ERG: variants seen among roughly 807,000 people sequenced by gnomAD.
ERG encodes the protein transcriptional regulator ERG.
Under a neutral mutation model 55.3 loss-of-function variants are expected in ERG, and 9 were observed. The observed-to-expected ratio is 0.16, with a 90% CI of 0.10 to 0.28. The LOEUF (loss-of-function observed/expected upper bound fraction) is 0.28. ERG is among the 10% of genes least tolerant of loss of function. ERG has a pLI of 1.00. For synonymous variants in ERG, 223 were observed against 237.3 expected (o/e 0.94, Z 0.55); for missense variants, 434 against 631.6 (o/e 0.69, Z 3.35).
intron 1 of ERG, among the ~76,000 whole-genome samples, chr21:38,653,437 C>T (rs1481630751): frequency 1.3e-5 from 2 of 152,206 alleles, no homozygotes; most frequent in African/African-American, 2.4e-5. Context: ...GCCTACTCAG[C>T]ATTCCCTGAA....
intron 3 of ERG, among the ~76,000 whole-genome samples, chr21:38,421,478 A>G (rs1266702714): frequency 6.6e-6 from 1 of 152,316 alleles, no homozygotes; most frequent in African/African-American, 2.4e-5. Context: ...TGCACTCCTG[A>G]ACTCTTCTGT....
chr21:38,552,846 G>GAAAAAAA (rs56278724), intron 2 of ERG, among the ~76,000 whole-genome samples: 1 of 127,876 alleles, frequency 7.8e-6, no homozygotes, highest in Non-Finnish European at 1.6e-5. Flanking sequence ...TCAAGCAAGA[G>GAAAAAAA]AAAAAAAAAA....
At position 38,579,069 on chromosome 21, in the gene ERG, C is replaced by A. The variant is rs763518682; in HGVS notation, c.-126-3322G>T. On this transcript the variant is annotated intron_variant, in intron 1 of 8. Coordinates refer to the ERG transcript ENST00000398897. The stretch of plus-strand genomic sequence containing the variant: ...GGAAACTGAAGGATAACCAAGAAAC[C>A]TCCACCAGAAGCCTCCATGGGATTC... Among the ~76,000 whole-genome samples the A allele has an allele frequency of 2.4e-4, 37 of 152,110 alleles. 1 individual carries two copies. The highest frequency in any genetic ancestry group is 2.4e-4 in the Non-Finnish European group (16 of 68,020).
At chr21:38,415,093 C>T (rs1335445759) in intron 3 of ERG, among the ~76,000 whole-genome samples, 1 of 152,182 alleles carries the variant, frequency 6.6e-6, no homozygotes, top group Non-Finnish European at 1.5e-5. Flanking sequence ...CTGTGTTCTC[C>T]CCTGGGTATT....
intron 1 of ERG, among the ~76,000 whole-genome samples, chr21:38,653,911 G>T (rs1190975791): frequency 6.6e-6 from 1 of 152,170 alleles, no homozygotes; most frequent in East Asian, 1.9e-4. Context: ...ATTTTGCAAA[G>T]AAAAAGTTTA....
chr21:38,592,606 T>C (rs889614282), intron 1 of ERG, among the ~76,000 whole-genome samples: 4 of 147,214 alleles, frequency 2.7e-5, no homozygotes, highest in Admixed American at 6.8e-5. Context: ...TGTGTGTGTG[T>C]GCTTTTCCTA....
At chr21:38,391,286 A>G (rs1305006847) in intron 8 of ERG, among the ~76,000 whole-genome samples, 1 of 152,188 alleles carries the variant, frequency 6.6e-6, no homozygotes, top group Non-Finnish European at 1.5e-5. Context: ...CCTGACATAT[A>G]GCTCAAGGCT....
rs536425481 is a variant in ERG, at chr21:38,495,179, A to G, written c.18+3184T>C. On this transcript the variant is annotated intron_variant, in intron 1 of 9. Transcript: ENST00000288319. ...TGTGAGGAGTTAACTTTCTTCATATAACTCTTAGTCTTAATTAAGTTTCCC... is the reference window on the plus strand; with the variant it reads ...TGTGAGGAGTTAACTTTCTTCATATGACTCTTAGTCTTAATTAAGTTTCCC... Among the ~76,000 whole-genome samples, 11 of 152,350 alleles carry G rather than the reference A, an allele frequency of 7.2e-5. 1 individual carries two copies. In the South Asian group the frequency reaches 2.3e-3, roughly 32 times the overall value.
chr21:38,619,410 T>C (rs971446176), intron 1 of ERG, among the ~76,000 whole-genome samples: 7 of 152,076 alleles, frequency 4.6e-5, no homozygotes, highest in African/African-American at 1.7e-4. Context: ...CCCCTGTCTC[T>C]TCCCTCCTGC....
chr21:38,606,910 T>C (rs1029062035), intron 1 of ERG, among the ~76,000 whole-genome samples: 1 of 152,102 alleles, frequency 6.6e-6, no homozygotes, highest in Admixed American at 6.5e-5. Flanking sequence ...AACCAGATTT[T>C]AGAGAAAGAA....
chr21:38,534,440 A>T (rs946754146), intron 2 of ERG, among the ~76,000 whole-genome samples: 1 of 152,194 alleles, frequency 6.6e-6, no homozygotes, highest in Non-Finnish European at 1.5e-5. Context: ...GAATTATTTT[A>T]AAAAAGCATT....
chr21:38,425,772 C>T (rs1989793980), intron 2 of ERG, among the ~76,000 whole-genome samples: 1 of 152,138 alleles, frequency 6.6e-6, no homozygotes, highest in South Asian at 2.1e-4. Flanking sequence ...CTTGGACAAT[C>T]AAAAAACTAT....
chr21:38,435,567 C>G (rs1478298066), intron 2 of ERG, among the ~76,000 whole-genome samples: 1 of 152,176 alleles, frequency 6.6e-6, no homozygotes, highest in Admixed American at 6.5e-5. Flanking sequence ...TCCCAACAGT[C>G]CTGTTCCCTC....
intron 1 of ERG, among the ~76,000 whole-genome samples, chr21:38,627,537 G>A (rs1039454244): frequency 6.6e-6 from 1 of 152,056 alleles, no homozygotes. Flanking sequence ...CATGCTTAGA[G>A]ACATAGTATA....
intron 1 of ERG, among the ~76,000 whole-genome samples, chr21:38,487,650 C>T (rs982219330): frequency 6.6e-6 from 1 of 152,148 alleles, no homozygotes; most frequent in African/African-American, 2.4e-5. Flanking sequence ...TGCAAAGAAG[C>T]AGAAGTGTCA....
chr21:38,626,783 T>C (rs2060327491), intron 1 of ERG, among the ~76,000 whole-genome samples: 1 of 152,208 alleles, frequency 6.6e-6, no homozygotes, highest in African/African-American at 2.4e-5. Flanking sequence ...TATTGATTGA[T>C]TGATGGCCTC....
chr21:38,643,570 T>G (rs1242029319), intron 1 of ERG, among the ~76,000 whole-genome samples: 1 of 152,100 alleles, frequency 6.6e-6, no homozygotes, highest in Admixed American at 6.5e-5. Flanking sequence ...ACACACAAAC[T>G]CAGGTGTTCC....
At chr21:38,461,775 C>T (rs2059045024) in intron 1 of ERG, among the ~76,000 whole-genome samples, 1 of 152,212 alleles carries the variant, frequency 6.6e-6, no homozygotes, top group Non-Finnish European at 1.5e-5. Context: ...AAAAATATCT[C>T]ATTTGTGTTA....
At chr21:38,441,112 G>T (rs2058837149) in intron 2 of ERG, among the ~76,000 whole-genome samples, 1 of 152,188 alleles carries the variant, frequency 6.6e-6, no homozygotes, top group Non-Finnish European at 1.5e-5. Flanking sequence ...TCCAGCAGCA[G>T]CGGTGAACTG....
Sources: allele counts gnomAD v4.1 joint callset (sites outside exome capture counted in the v4.1 genomes callset), GRCh38; gene constraint gnomAD v4.1.1; transcripts MANE v1.5; gene names NCBI Gene and HGNC (gene_info 2026-07-23, HGNC 2026-07-21).